Variants in PARP12 observed in about 807,000 individuals in gnomAD.
PARP12 encodes the protein poly(ADP-ribose) polymerase family member 12, also known as protein mono-ADP-ribosyltransferase PARP12.
Under a neutral mutation model 72.4 loss-of-function variants are expected in PARP12, and 59 were observed. The observed-to-expected ratio is 0.81, with a 90% CI of 0.66 to 1.01. The LOEUF (loss-of-function observed/expected upper bound fraction) is 1.01, where lower values mean the gene tolerates loss of function less well. Among genes scored for constraint, PARP12 ranks in the 50% least tolerant of loss-of-function variants. The probability of loss-of-function intolerance (pLI) is 0.00; values close to 1 mark genes in which losing one functional copy is unlikely to be tolerated. For missense variants in PARP12, 851 were observed against 914.0 expected, an observed-to-expected ratio of 0.93 and a Z score of 0.89; for synonymous variants, 403 against 371.4, an observed-to-expected ratio of 1.09 and a Z score of -0.98.
intron 8 of PARP12, among the ~76,000 whole-genome samples, chr7:140,030,226 C>G (rs1815887790): frequency 6.6e-6 from 1 of 152,232 alleles, no homozygotes; most frequent in Non-Finnish European, 1.5e-5. Flanking sequence ...GAGTGATCAT[C>G]ACAATGATCC....
intron 1 of PARP12, among the ~76,000 whole-genome samples, chr7:140,061,755 C>A (rs1179747239): frequency 6.6e-6 from 1 of 152,190 alleles, no homozygotes; most frequent in Non-Finnish European, 1.5e-5. Context: ...GCTGGGGAGA[C>A]AGCTGGAGCC....
At chr7:140,030,400 C>A (rs1440709107) in intron 8 of PARP12, among the ~76,000 whole-genome samples, 1 of 152,194 alleles carries the variant, frequency 6.6e-6, no homozygotes, top group African/African-American at 2.4e-5. Flanking sequence ...GAGTTCAAGA[C>A]CAGCCTGACC....
In PARP12 at chr7:140,056,975, C is replaced by T; in HGVS notation, c.641G>A (p.Gly214Asp). The T allele has an allele frequency of 6.2e-7, 1 of 1,614,206 alleles. No individual in the cohort carries two copies. Among genetic ancestry groups the T allele is most frequent in the Non-Finnish European group, 8.5e-7 (1 of 1,180,042 alleles). Residue 214 changes from glycine (G) to aspartate (D), a missense_variant, in exon 3 of 12, where the codon GGT becomes GAT. Gly to Asp is a moderately conservative substitution (Grantham distance 94). Transcript: ENST00000263549. ...CCTGCTCACCAGGTCTGAGCTCATA[C>T]CCAACTTCTCCAATTTTTCCAGATT... Reference protein sequence around the residue: ...SENLEKLEKLGMSSDLVSRLP... With the variant: ...SENLEKLEKLDMSSDLVSRLP...
rs917998880 is a variant in PARP12, at chr7:140,062,886, G to A, written c.-39C>T. ...GCTCCCGTCGGACCGCGGGTGGCGC[G>A]ACGCGGACGGCGGCGGACGCTGGCT... On this transcript the variant is annotated 5_prime_UTR_variant, in exon 1 of 12. Transcript: ENST00000263549. The A allele has an allele frequency of 1.9e-5, 23 of 1,234,674 alleles. No homozygotes were observed. The highest frequency in any genetic ancestry group is 4.8e-5 in the African/African-American group (3 of 63,122). 76.5% of individuals were successfully genotyped at this position (1,234,674 alleles called of 1,614,324 possible).
intron 6 of PARP12, among the ~76,000 whole-genome samples, chr7:140,041,153 T>C (rs1227938089): frequency 6.6e-6 from 1 of 152,238 alleles, no homozygotes; most frequent in African/African-American, 2.4e-5. Flanking sequence ...CAGCAACTAT[T>C]TTTTGTTATT....
chr7:140,057,176 C>T, intron 2 of PARP12, 23 bp from the exon 3 acceptor site: 1 of 1,600,516 alleles, frequency 6.2e-7, no homozygotes, highest in Non-Finnish European at 8.5e-7. Context: ...AGGGAAAAAA[C>T]CACCAGTTCA....
Position 140,024,905 on chromosome 7 carries a change from C to T in PARP12, c.1781-20G>A, listed in dbSNP as rs751480122. On this transcript the variant is annotated intron_variant, in intron 11 of 11. Coordinates refer to ENST00000263549, the MANE Select transcript of PARP12 (RefSeq NM_022750.4). Reference sequence around the variant, plus strand: ...AGCTCCCTGAAATGACACACGAGGGCTCAGCTGGTGGAGGGGCCTGCAGCC... The same window carrying T: ...AGCTCCCTGAAATGACACACGAGGGTTCAGCTGGTGGAGGGGCCTGCAGCC... The T allele has an allele frequency of 9.4e-5, 151 of 1,607,264 alleles. No individual in the cohort carries two copies. Among genetic ancestry groups the T allele is most frequent in the Non-Finnish European group, 1.2e-4 (139 of 1,175,304 alleles).
At chr7:140,046,833 T>TGTGTGTGTGTCA (rs1554514730) in intron 5 of PARP12, 51 bp downstream of exon 5, 32,926 of 1,179,258 alleles carry the variant, frequency 0.028, 1,868 homozygotes, top group East Asian at 0.18. Context: ...TGTGTGTGTG[T>TGTGTGTGTGTCA]CACACACAGA....
At chr7:140,059,758 CAT>C (rs1193941128) in intron 1 of PARP12, among the ~76,000 whole-genome samples, 2 of 152,246 alleles carry the variant, frequency 1.3e-5, no homozygotes, top group Non-Finnish European at 2.9e-5. Flanking sequence ...AGGTGACAGA[CAT>C]AGAGGAGACT....
intron 4 of PARP12, 118 bp downstream of exon 4, chr7:140,054,544 C>G: frequency 1.2e-6 from 1 of 816,530 alleles, no homozygotes; most frequent in Non-Finnish European, 2.0e-6. Flanking sequence ...AGTGCCAAGC[C>G]CTGATCCTCT....
chr7:140,046,680 C>T (rs1046310369), intron 5 of PARP12, among the ~76,000 whole-genome samples: 1 of 151,848 alleles, frequency 6.6e-6, no homozygotes, highest in South Asian at 2.1e-4. Context: ...CGCTGACTTT[C>T]GATTCCAGCC....
chr7:140,028,714 T>G (rs747833166), intron 8 of PARP12, 26 bp from the exon 9 acceptor site: 1 of 1,560,668 alleles, frequency 6.4e-7, no homozygotes, highest in Non-Finnish European at 8.7e-7. Context: ...CAAAAACACG[T>G]AGACATTTTA....
At chr7:140,031,883 T>C (rs979642709) in intron 8 of PARP12, among the ~76,000 whole-genome samples, 12 of 152,298 alleles carry the variant, frequency 7.9e-5, no homozygotes, top group Admixed American at 7.8e-4. Flanking sequence ...AGTAAGACAC[T>C]GATACATTTA....
intron 6 of PARP12, among the ~76,000 whole-genome samples, chr7:140,040,621 A>G (rs1406212657): frequency 2.0e-5 from 3 of 152,232 alleles, no homozygotes; most frequent in Non-Finnish European, 4.4e-5. Context: ...AGCTTACATT[A>G]GAGCATCACC....
chr7:140,027,131 G>A (rs1011822314), intron 10 of PARP12, 145 bp downstream of exon 10: 4 of 1,159,510 alleles, frequency 3.4e-6, no homozygotes, highest in Non-Finnish European at 3.7e-6. Context: ...GGGAGCGGAC[G>A]AAGGAGAGCA....
chr7:140,030,585 G>A (rs1002330702), intron 8 of PARP12, among the ~76,000 whole-genome samples: 2 of 150,236 alleles, frequency 1.3e-5, no homozygotes, highest in Non-Finnish European at 3.0e-5. Flanking sequence ...GCGACAGTGC[G>A]ACTCCATCTC....
intron 3 of PARP12, among the ~76,000 whole-genome samples, chr7:140,055,807 T>A (rs1817155150): frequency 6.6e-6 from 1 of 152,150 alleles, no homozygotes. Flanking sequence ...TTGAAGACAA[T>A]GTAAAGAAAA....
Position 140,033,910 on chromosome 7 carries a change from A to G in PARP12, c.1421+325T>C, listed in dbSNP as rs1352234615. The G allele has an allele frequency of 4.0e-6, 4 of 1,005,968 alleles. No homozygotes were observed. The African/African-American group carries it at 6.9e-5, about 17-fold the overall frequency. 62.3% of individuals were successfully genotyped at this position (1,005,968 alleles called of 1,614,324 possible). Reference sequence around the variant, plus strand: ...ATTATTTCAACATTTAAAAAATTCAAGTCTATGACTCAATGATTCCACAGA... The same window carrying G: ...ATTATTTCAACATTTAAAAAATTCAGGTCTATGACTCAATGATTCCACAGA... On this transcript the variant is annotated intron_variant, in intron 8 of 11. Coordinates refer to ENST00000263549, the MANE Select transcript of PARP12 (RefSeq NM_022750.4).
intron 6 of PARP12, 78 bp from the exon 7 acceptor site, chr7:140,037,934 A>G (rs1585091937): frequency 6.5e-7 from 1 of 1,546,904 alleles, no homozygotes; most frequent in East Asian, 2.3e-5. Context: ...CCCACGCCAC[A>G]TTTCAGAGGT....
Sources: allele counts gnomAD v4.1 joint callset (sites outside exome capture counted in the v4.1 genomes callset), GRCh38; gene constraint gnomAD v4.1.1; transcripts MANE v1.5; gene names NCBI Gene and HGNC (gene_info 2026-07-23, HGNC 2026-07-21).